The following COLQ variants were observed in gnomAD, a reference collection of about 807,000 sequenced individuals.
The protein encoded by COLQ is collagen like tail subunit of asymmetric acetylcholinesterase, also known as acetylcholinesterase collagenic tail peptide.
COLQ carries 48 observed loss-of-function variants against 69.0 expected under a neutral mutation model. The ratio of observed to expected loss-of-function variants is 0.70; its 90% CI spans 0.55 to 0.88. The LOEUF is 0.88. COLQ is among the 40% of genes least tolerant of loss of function. The probability of loss-of-function intolerance (pLI) is 0.00; values close to 1 mark genes in which losing one functional copy is unlikely to be tolerated. For missense variants in COLQ, 618 were observed against 594.6 expected, an observed-to-expected ratio of 1.04 and a Z score of -0.41; for synonymous variants, 217 against 211.2, an observed-to-expected ratio of 1.03 and a Z score of -0.24.
chr3:15,467,765 C>T (rs1169316958), intron 11 of COLQ: 3 of 426,872 alleles, frequency 7.0e-6, no homozygotes, highest in Non-Finnish European at 1.4e-5. Flanking sequence ...CAGGCTTGCC[C>T]ACCTGATGAA....
intron 3 of COLQ, among the ~76,000 whole-genome samples, chr3:15,482,163 G>A (rs1204001239): frequency 6.6e-6 from 1 of 152,132 alleles, no homozygotes; most frequent in African/African-American, 2.4e-5. Flanking sequence ...CTGCAAACAG[G>A]GACAACTTGA....
At chr3:15,453,612 G>A (rs2061980226) in intron 16 of COLQ, among the ~76,000 whole-genome samples, 1 of 152,154 alleles carries the variant, frequency 6.6e-6, no homozygotes. Context: ...GTGGCTGTGG[G>A]TGCCGTGGCT....
rs372432709 is a variant in COLQ at position 15,488,281 on chromosome 3, G to A, written c.246C>T (p.Leu82=). 26 of 1,613,692 alleles carry A rather than the reference G, an allele frequency of 1.6e-5. No individual in the cohort carries two copies. The African/African-American group carries it at 3.5e-4, about 22-fold the overall frequency. The part of the protein sequence containing the change: ...SPLLSPDMKN[L]MLELETSQSP... ...ACTGCGAGGTCTCCAGTTCCAGCAT[G>A]AGATTCTTCATGTCTGGGGAGAGAA... Residue 82 remains leucine, a synonymous_variant, in exon 3 of 17, where the codon CTC becomes CTT. Coordinates refer to ENST00000383788, the MANE Select transcript of COLQ (RefSeq NM_005677.4).
Position 15,462,157 on chromosome 3 carries a change from T to C in COLQ, c.815-3832A>G, listed in dbSNP as rs911898868. Among the ~76,000 whole-genome samples the C allele has an allele frequency of 1.4e-4, 22 of 152,168 alleles. 1 individual carries two copies. The highest frequency in any genetic ancestry group is 1.0e-3 in the Admixed American group (16 of 15,286). ...GATTCTCCTGTCTCAGCCTCCTGAG[T>C]AGCTGGGATTACAGGTGCCCGCTAC... On this transcript the variant is annotated intron_variant, in intron 12 of 16. Transcript: ENST00000383788.
rs1257437905 is a variant in COLQ, at chr3:15,473,234, C to A, written c.636+766G>T. Among the ~76,000 whole-genome samples, 2 of 152,152 alleles carry A rather than the reference C, an allele frequency of 1.3e-5. No homozygotes were observed. The highest frequency in any genetic ancestry group is 2.9e-5 in the Non-Finnish European group (2 of 68,024). ...GTGGTGCAATCATGGCTTACCGCAG[C>A]TTTGACTCCTGGGCTCAGGCCACCC... On this transcript the variant is annotated intron_variant, in intron 10 of 16. Transcript: ENST00000383788. The surrounding 1 kb of genome is among the most constrained non-coding windows in gnomAD (Gnocchi z 4.0).
At chr3:15,481,031 A>AT (rs1242162242) in intron 3 of COLQ, among the ~76,000 whole-genome samples, 8 of 151,812 alleles carry the variant, frequency 5.3e-5, no homozygotes, top group African/African-American at 1.2e-4. Flanking sequence ...GGGTTGTTTG[A>AT]TTTTTTCTTG....
chr3:15,471,645 A>T (rs182647328), intron 10 of COLQ, among the ~76,000 whole-genome samples: 1 of 152,374 alleles, frequency 6.6e-6, no homozygotes, highest in African/African-American at 2.4e-5. Context: ...TTCACATGGC[A>T]GTCAGAGGAG....
chr3:15,478,718 G>C (rs1011189900), intron 5 of COLQ: 31 of 590,316 alleles, frequency 5.3e-5, no homozygotes, highest in Non-Finnish European at 6.1e-6. Flanking sequence ...GGAAGTGAGA[G>C]GGGTGGAATT....
chr3:15,499,590 G>A (rs534178781), intron 1 of COLQ, among the ~76,000 whole-genome samples: 3 of 152,324 alleles, frequency 2.0e-5, no homozygotes, highest in African/African-American at 7.2e-5. Context: ...CGGCCCACAG[G>A]CTGTAGTTTG....
At chr3:15,492,110 A>C (rs1350568803) in intron 1 of COLQ, among the ~76,000 whole-genome samples, 1 of 152,188 alleles carries the variant, frequency 6.6e-6, no homozygotes, top group East Asian at 1.9e-4. Flanking sequence ...TTTTGATTAT[A>C]AGTGGTCAGA....
At chr3:15,502,092 C>A (rs1334688775) in intron 1 of COLQ, among the ~76,000 whole-genome samples, 1 of 149,554 alleles carries the variant, frequency 6.7e-6, no homozygotes, top group East Asian at 2.0e-4. Flanking sequence ...TTTCATCTAT[C>A]TCATCTGCTA....
chr3:15,492,493 C>T (rs1355040527), intron 1 of COLQ, among the ~76,000 whole-genome samples: 1 of 152,050 alleles, frequency 6.6e-6, no homozygotes, highest in Non-Finnish European at 1.5e-5. Context: ...AGTGAAACCC[C>T]GTCTCTACTA....
chr3:15,466,864 C>T (rs986892594), intron 11 of COLQ, among the ~76,000 whole-genome samples: 2 of 152,220 alleles, frequency 1.3e-5, no homozygotes, highest in Non-Finnish European at 2.9e-5. Context: ...CCTTTTTGGT[C>T]TTCAAGGGCA....
At chr3:15,465,391 C>G (rs2062183576) in intron 12 of COLQ, among the ~76,000 whole-genome samples, 3 of 148,074 alleles carry the variant, frequency 2.0e-5, no homozygotes, top group Admixed American at 6.7e-5. Context: ...CTCAGCCTCC[C>G]AAGTAGCTGG....
intron 1 of COLQ, among the ~76,000 whole-genome samples, chr3:15,508,504 G>A (rs147447301): frequency 6.6e-6 from 1 of 152,282 alleles, no homozygotes; most frequent in East Asian, 1.9e-4. Flanking sequence ...GCATATTGTA[G>A]GCGGTACAAT....
In COLQ at chr3:15,475,517, C is replaced by A. The variant is rs774378328; in HGVS notation, c.466-30G>T. The A allele has an allele frequency of 5.8e-6, 9 of 1,564,160 alleles. No individual in the cohort carries two copies. The Admixed American group carries it at 7.5e-5, about 13-fold the overall frequency. Reference sequence around the variant, plus strand: ...GGGAATTAGAAGAAGAAAAGACCCACGGTGATATTTTTTAGAGAAACTGAA... The same window carrying A: ...GGGAATTAGAAGAAGAAAAGACCCAAGGTGATATTTTTTAGAGAAACTGAA... On this transcript the variant is annotated intron_variant, in intron 6 of 16. Coordinates refer to ENST00000383788, the MANE Select transcript of COLQ (RefSeq NM_005677.4).
chr3:15,475,149 T>G (rs551342167), intron 7 of COLQ, 198 bp from the exon 8 acceptor site: 1 of 687,314 alleles, frequency 1.5e-6, no homozygotes, highest in Non-Finnish European at 2.5e-6. Context: ...AACATTGCTT[T>G]TATCACTCTG....
At chr3:15,487,974 G>C (rs1379480452) in intron 3 of COLQ, among the ~76,000 whole-genome samples, 1 of 152,212 alleles carries the variant, frequency 6.6e-6, no homozygotes, top group East Asian at 1.9e-4. Flanking sequence ...CAGTATTGTA[G>C]GGACAATTAT....
At chr3:15,456,639 A>T in intron 13 of COLQ, 60 bp from the exon 14 acceptor site, 1 of 1,604,576 alleles carries the variant, frequency 6.2e-7, no homozygotes, top group Non-Finnish European at 8.5e-7. Flanking sequence ...GCAGGAAAAA[A>T]GCTGGAGGAG....
Sources: gnomAD v4.1 joint callset for allele counts (sites outside exome capture counted in the v4.1 genomes callset) on GRCh38, gnomAD v4.1.1 for gene constraint, Gnocchi (gnomAD v3.1) non-coding constraint, MANE v1.5 for transcripts, NCBI Gene and HGNC (gene_info 2026-07-23, HGNC 2026-07-21) for gene names.